C8orf34: variants seen among roughly 807,000 people sequenced by gnomAD.
C8orf34 encodes the protein uncharacterized protein C8orf34.
Under a neutral mutation model 68.3 loss-of-function variants are expected in C8orf34, and 65 were observed. The ratio of observed to expected loss-of-function variants is 0.95; its 90% CI spans 0.78 to 1.17. The LOEUF (loss-of-function observed/expected upper bound fraction) is 1.17. Ranked by LOEUF, C8orf34 falls within the 50% of genes most tolerant of loss-of-function variation. C8orf34 has a pLI of 0.00. For synonymous variants in C8orf34, 244 were observed against 241.2 expected (o/e 1.01, Z -0.11); for missense variants, 664 against 655.4 (o/e 1.01, Z -0.14).
intron 12 of C8orf34, chr8:68,790,773 G>A: frequency 1.5e-6 from 1 of 652,878 alleles, no homozygotes; most frequent in South Asian, 1.7e-5. Flanking sequence ...TGAATCTACT[G>A]GGGTACTTGT....
At chr8:68,605,500 C>T (rs1817828478) in intron 7 of C8orf34, among the ~76,000 whole-genome samples, 1 of 142,712 alleles carries the variant, frequency 7.0e-6, no homozygotes, top group Non-Finnish European at 1.5e-5. Flanking sequence ...AATTATGGTG[C>T]AGCCATGAAA....
chr8:68,377,545 C>T (rs13272720), intron 1 of C8orf34, among the ~76,000 whole-genome samples: 97,028 of 152,056 alleles, frequency 0.64, 31,484 homozygotes, highest in African/African-American at 0.76. Flanking sequence ...AAGAATTTTG[C>T]AGGATTCTGC....
At chr8:68,707,604 C>G (rs1229615534) in intron 8 of C8orf34, among the ~76,000 whole-genome samples, 1 of 152,030 alleles carries the variant, frequency 6.6e-6, no homozygotes, top group Non-Finnish European at 1.5e-5. Flanking sequence ...GAGACAGGGG[C>G]TCACTCTGTC....
chr8:68,594,837 G>C (rs1345377846), intron 7 of C8orf34, among the ~76,000 whole-genome samples: 2 of 151,990 alleles, frequency 1.3e-5, no homozygotes, highest in African/African-American at 4.8e-5. Context: ...TGTTTTAAAT[G>C]TTCTGTTCTT....
chr8:68,381,738 CAAAAA>C (rs769290635), intron 1 of C8orf34, among the ~76,000 whole-genome samples: 6 of 72,070 alleles, frequency 8.3e-5, no homozygotes, highest in Non-Finnish European at 1.4e-4. Context: ...GACTCCGTCT[CAAAAA>C]AAAAAAAAAA....
chr8:68,472,209 A>G (rs1038743822), intron 4 of C8orf34, among the ~76,000 whole-genome samples: 4 of 152,264 alleles, frequency 2.6e-5, no homozygotes, highest in African/African-American at 9.6e-5. Flanking sequence ...AAGTAGGCAT[A>G]GTGGGTTTTT....
At chr8:68,736,164 A>G (rs886525560) in intron 10 of C8orf34, among the ~76,000 whole-genome samples, 1 of 152,184 alleles carries the variant, frequency 6.6e-6, no homozygotes, top group African/African-American at 2.4e-5. Flanking sequence ...GCCTTTGCTC[A>G]GCCATGATGT....
At chr8:68,739,619 A>G (rs1433133939) in intron 10 of C8orf34, among the ~76,000 whole-genome samples, 1 of 152,094 alleles carries the variant, frequency 6.6e-6, no homozygotes, top group Non-Finnish European at 1.5e-5. Flanking sequence ...CAACACCCCA[A>G]GCTCATAGAT....
intron 10 of C8orf34, among the ~76,000 whole-genome samples, chr8:68,732,803 G>A (rs929221326): frequency 6.6e-6 from 1 of 152,094 alleles, no homozygotes; most frequent in South Asian, 2.1e-4. Context: ...GAAGCTGGGC[G>A]TGTAATCCCA....
chr8:68,486,508 T>A lies in C8orf34; in HGVS notation c.737-1515T>A, dbSNP rs192198720. Reference sequence around the variant, plus strand: ...CTACCAAAAAAAGAATTTTATAAAATATTGAAGAATAAGCCCCAAATGTAC... The same window carrying A: ...CTACCAAAAAAAGAATTTTATAAAAAATTGAAGAATAAGCCCCAAATGTAC... On this transcript the variant is annotated intron_variant, in intron 4 of 13. Transcript: ENST00000518698. 3.7e-4 allele frequency among the ~76,000 whole-genome samples: 56 copies of A among 152,322 alleles called. No individual in the cohort carries two copies. In the South Asian group the frequency reaches 3.7e-3, roughly 10 times the overall value.
chr8:68,521,357 C>A (rs2129673143), intron 5 of C8orf34, among the ~76,000 whole-genome samples: 1 of 152,268 alleles, frequency 6.6e-6, no homozygotes, highest in South Asian at 2.1e-4. Flanking sequence ...AAATGCTTTG[C>A]AGTTGGAGGC....
intron 7 of C8orf34, among the ~76,000 whole-genome samples, chr8:68,584,443 C>T (rs1223458080): frequency 2.0e-5 from 3 of 152,244 alleles, no homozygotes; most frequent in Admixed American, 6.5e-5. Flanking sequence ...TAGCTTTCTA[C>T]GGAAATCCGT....
At chr8:68,815,827 T>C (rs1824794296) in intron 12 of C8orf34, 59 bp from the exon 13 acceptor site, 2 of 1,613,004 alleles carry the variant, frequency 1.2e-6, no homozygotes, top group Non-Finnish European at 1.7e-6. Context: ...TAGGGAATGG[T>C]ATTTAATCGA....
chr8:68,499,787 T>A (rs1813687505), intron 5 of C8orf34, among the ~76,000 whole-genome samples: 1 of 152,198 alleles, frequency 6.6e-6, no homozygotes, highest in Admixed American at 6.5e-5. Context: ...ACATCATGTG[T>A]CTTTTGATGT....
intron 1 of C8orf34, among the ~76,000 whole-genome samples, chr8:68,361,611 T>G (rs1324313236): frequency 2.0e-5 from 3 of 152,266 alleles, no homozygotes; most frequent in Non-Finnish European, 4.4e-5. Context: ...TTTCCATTTC[T>G]GTTGTGCTTA....
chr8:68,797,542 T>TAAA (rs5892156), intron 12 of C8orf34, among the ~76,000 whole-genome samples: 3 of 147,898 alleles, frequency 2.0e-5, no homozygotes, highest in Non-Finnish European at 3.0e-5. Flanking sequence ...TTTTCACCTT[T>TAAA]AAAAAAAAAA....
At chr8:68,790,483 T>A (rs1823962965) in intron 12 of C8orf34, among the ~76,000 whole-genome samples, 1 of 152,218 alleles carries the variant, frequency 6.6e-6, no homozygotes. Flanking sequence ...TCAGGGGTAA[T>A]GCATATTTCT....
intron 1 of C8orf34, among the ~76,000 whole-genome samples, chr8:68,433,363 G>A (rs1810527070): frequency 6.6e-6 from 1 of 151,978 alleles, no homozygotes; most frequent in Non-Finnish European, 1.5e-5. Flanking sequence ...TATCTGATTG[G>A]TACCACCTCC....
At chr8:68,612,170 C>G (rs930887108) in intron 7 of C8orf34, among the ~76,000 whole-genome samples, 1 of 152,090 alleles carries the variant, frequency 6.6e-6, no homozygotes, top group Non-Finnish European at 1.5e-5. Context: ...ACCTCTCATT[C>G]ATTATCACTT....
Sources: gnomAD v4.1 joint callset for allele counts (sites outside exome capture counted in the v4.1 genomes callset) on GRCh38, gnomAD v4.1.1 for gene constraint, MANE v1.5 for transcripts, NCBI Gene and HGNC (gene_info 2026-07-23, HGNC 2026-07-21) for gene names.